BRD8: variants seen among roughly 807,000 people sequenced by gnomAD.
The protein encoded by BRD8 is bromodomain containing 8.
In BRD8, 67 loss-of-function variants were observed where a neutral mutation model predicts 143.1. The ratio of observed to expected loss-of-function variants is 0.47; its 90% CI spans 0.38 to 0.57. The LOEUF is 0.57. Among genes scored for constraint, BRD8 ranks in the 20% least tolerant of loss-of-function variants. BRD8 has a pLI of 0.00. For missense variants in BRD8, 1,103 were observed against 1,503.0 expected (o/e 0.73, Z 4.40); for synonymous variants, 505 against 517.1 (o/e 0.98, Z 0.32).
At chr5:138,171,634 G>A (rs566950713) in intron 3 of BRD8, among the ~76,000 whole-genome samples, 26 of 152,180 alleles carry the variant, frequency 1.7e-4, no homozygotes, top group African/African-American at 6.0e-4. Flanking sequence ...GTGCATTTGC[G>A]GAAAGGCAAC....
At chr5:138,164,505 G>T in intron 12 of BRD8, 92 bp from the exon 13 acceptor site, 1 of 1,323,906 alleles carries the variant, frequency 7.6e-7, no homozygotes, top group Non-Finnish European at 1.1e-6. Context: ...GACCATAGAA[G>T]AAATTCTAAG....
At chr5:138,141,354 T>G (rs981896098) in intron 25 of BRD8, among the ~76,000 whole-genome samples, 7 of 152,230 alleles carry the variant, frequency 4.6e-5, no homozygotes, top group Non-Finnish European at 7.3e-5. Flanking sequence ...AGTCTCGAAC[T>G]CCTAGCCTCA....
intron 2 of BRD8, among the ~76,000 whole-genome samples, chr5:138,176,562 A>C (rs1326531338): frequency 6.6e-6 from 1 of 151,988 alleles, no homozygotes; most frequent in African/African-American, 2.4e-5. Flanking sequence ...TGACAGTGAG[A>C]CTCTGTCTCA....
rs1281607655 is a variant in BRD8, at chr5:138,163,185, G to A, written c.2032C>T (p.Leu678=). The change falls in exon 15 of 27, where the codon CTG becomes TTG. Residue 678 remains leucine, a synonymous_variant. Coordinates refer to ENST00000254900, the MANE Select transcript of BRD8 (RefSeq NM_139199.2). ...DDGFSIHNAT[L]QSHTLADSIP... ...GAGTCTGCCAGTGTGTGTGACTGCAGTGTAGCATTGTGTATGCTGAAGCCA... is the reference window on the plus strand; with the variant it reads ...GAGTCTGCCAGTGTGTGTGACTGCAATGTAGCATTGTGTATGCTGAAGCCA... 6.2e-7 allele frequency: 1 copy of A among 1,614,146 alleles called. No individual in the cohort carries two copies. The highest frequency in any genetic ancestry group is 2.2e-5 in the East Asian group (1 of 44,884).
At chr5:138,155,824 G>A (rs1294485343) in intron 20 of BRD8, among the ~76,000 whole-genome samples, 1 of 151,982 alleles carries the variant, frequency 6.6e-6, no homozygotes, top group Non-Finnish European at 1.5e-5. Flanking sequence ...ACCGTGTCTG[G>A]CCAAATTCAG....
At chr5:138,161,359 G>A (rs561854224) in intron 17 of BRD8, 12 of 296,556 alleles carry the variant, frequency 4.0e-5, no homozygotes, top group East Asian at 3.2e-4. Context: ...CTGCAGCCTC[G>A]AACTTCCAGG....
chr5:138,140,168 T>C lies in BRD8; in HGVS notation c.3616-2A>G. The C allele has an allele frequency of 6.2e-7, 1 of 1,605,360 alleles. No individual in the cohort carries two copies. Among genetic ancestry groups the C allele is most frequent in the Non-Finnish European group, 8.5e-7 (1 of 1,172,052 alleles). On this transcript the variant is annotated splice_acceptor_variant, in intron 26 of 26. Coordinates refer to ENST00000254900, the MANE Select transcript of BRD8 (RefSeq NM_139199.2). LOFTEE classifies it high-confidence loss of function. ...TTTGTCTAACCAGATATTCAGTACC[T>C]AAAGGGTTAAGGAACACATAGCAAG...
At position 138,150,928 on chromosome 5, in the gene BRD8, T is replaced by C. The variant is rs1752348693; in HGVS notation, c.2937A>G (p.Gln979=). Residue 979 remains glutamine (Q), a synonymous_variant, in exon 22 of 27, where the codon CAA becomes CAG. Coordinates refer to ENST00000254900, the MANE Select transcript of BRD8 (RefSeq NM_139199.2). ...EGCCPPSGTR[Q]EGREIKASEG... ...CGCTAGCTTTAATTTCCCTTCCTTC[T>C]TGTCTGGTACCAGATGGAGGGCAGC... is the stretch of plus-strand genomic sequence containing the variant. 1.2e-5 allele frequency: 19 copies of C among 1,614,190 alleles called. No individual in the cohort carries two copies. The highest frequency in any genetic ancestry group is 1.5e-5 in the Non-Finnish European group (18 of 1,180,026).
chr5:138,158,669 C>T (rs145148878), intron 20 of BRD8, among the ~76,000 whole-genome samples: 3,001 of 151,786 alleles, frequency 0.02, 56 homozygotes, highest in Non-Finnish European at 0.028. Context: ...TCTCGAACTC[C>T]CGACCTCAGG....
chr5:138,151,099 G>A, intron 21 of BRD8, 91 bp from the exon 22 acceptor site: 1 of 1,467,696 alleles, frequency 6.8e-7, no homozygotes, highest in Non-Finnish European at 9.2e-7. Context: ...CACTGTCACA[G>A]TGACTAAGTC....
At position 138,140,186 on chromosome 5, in the gene BRD8, A is replaced by C. The variant is rs764037114; in HGVS notation, c.3616-20T>G. The stretch of plus-strand genomic sequence containing the variant: ...CAGTACCTAAAGGGTTAAGGAACAC[A>C]TAGCAAGCTATTATGAACCTTAAAC... On this transcript the variant is annotated intron_variant, in intron 26 of 26. Coordinates refer to ENST00000254900, the MANE Select transcript of BRD8 (RefSeq NM_139199.2). The C allele has an allele frequency of 5.8e-6, 9 of 1,549,016 alleles. No individual in the cohort carries two copies. Among genetic ancestry groups the C allele is most frequent in the Non-Finnish European group, 7.1e-6 (8 of 1,121,492 alleles).
intron 19 of BRD8, 74 bp downstream of exon 19, chr5:138,159,988 GTAGTAAC>G: frequency 1.0e-6 from 1 of 990,956 alleles, no homozygotes; most frequent in Admixed American, 1.8e-5. Context: ...CCAATACCAA[GTAGTAAC>G]ATAAGGGTCC....
intron 24 of BRD8, 27 bp downstream of exon 24, chr5:138,145,762 A>C: frequency 6.3e-7 from 1 of 1,584,754 alleles, no homozygotes; most frequent in Non-Finnish European, 8.7e-7. Flanking sequence ...CTCTGAACAT[A>C]ATCCTATTAC....
Position 138,171,150 on chromosome 5 carries a change from C to T in BRD8, c.247G>A (p.Gly83Ser). 6 of 1,611,594 alleles carry T rather than the reference C, an allele frequency of 3.7e-6. No homozygotes were observed. Among genetic ancestry groups the T allele is most frequent in the Non-Finnish European group, 5.1e-6 (6 of 1,179,262 alleles). The change falls in exon 5 of 27, where the codon GGT (glycine) becomes AGT (serine). Residue 83 changes from glycine (G) to serine (S), a missense_variant. Physicochemically the swap from Gly to Ser is moderately conservative, Grantham distance 56. This residue lies in a region of BRD8 where 69 missense variants were observed against 121.6 expected (regional missense o/e 0.57). Transcript: ENST00000254900. ...ETTETPKRKR[G>S]EKGEVVETVE... The stretch of plus-strand genomic sequence containing the variant: ...GTTTCCACCACTTCTCCCTTTTCAC[C>T]TCGTTTCCGTCTGTGGAAAATTGAA...
intron 9 of BRD8, 88 bp downstream of exon 9, chr5:138,167,845 CT>C: frequency 2.4e-6 from 3 of 1,231,470 alleles, no homozygotes; most frequent in Non-Finnish European, 2.4e-6. Context: ...AAATCTAGCA[CT>C]GACAACTGCT....
chr5:138,177,520 G>T, intron 2 of BRD8, 51 bp downstream of exon 2: 1 of 1,037,696 alleles, frequency 9.6e-7, no homozygotes, highest in Non-Finnish European at 1.5e-6. Context: ...ATGTGAAAGA[G>T]TATCTAACAA....
At position 138,177,678 on chromosome 5, in the gene BRD8, G is replaced by GTGA; in HGVS notation, c.20-12_20-11insTCA. 8.0e-7 allele frequency: 1 copy of GTGA among 1,247,822 alleles called. No individual in the cohort carries two copies. Among genetic ancestry groups the GTGA allele is most frequent in the Non-Finnish European group, 1.1e-6 (1 of 937,958 alleles). 77.3% of individuals were successfully genotyped at this position (1,247,822 alleles called of 1,614,324 possible). A position where few individuals can be genotyped will look rare whatever the true frequency, so the allele number is the denominator to read the frequency against. ...TTAGCAGCTTGTGTTCTGGGAAAGG[G>GTGA]AGAAAAAAAAAAAAGCCTTGGAAAC... On this transcript the variant is annotated splice_polypyrimidine_tract_variant and intron_variant, in intron 1 of 26. Coordinates refer to ENST00000254900, the MANE Select transcript of BRD8 (RefSeq NM_139199.2).
chr5:138,151,110 TGA>T (rs1265245763), intron 21 of BRD8, 102 bp from the exon 22 acceptor site: 3 of 1,405,836 alleles, frequency 2.1e-6, no homozygotes, highest in Non-Finnish European at 2.9e-6. Context: ...TGACTAAGTC[TGA>T]GAGGACAAAA....
At chr5:138,170,982 C>A in intron 5 of BRD8, 56 bp downstream of exon 5, 1 of 1,612,594 alleles carries the variant, frequency 6.2e-7, no homozygotes, top group Non-Finnish European at 8.5e-7. Context: ...TGACCAGTAC[C>A]AGAAGACAGT....
Sources: gnomAD v4.1 joint callset for allele counts (sites outside exome capture counted in the v4.1 genomes callset) on GRCh38, gnomAD v4.1.1 for gene constraint, gnomAD v4.1.1 regional missense constraint, MANE v1.5 for transcripts, NCBI Gene and HGNC (gene_info 2026-07-23, HGNC 2026-07-21) for gene names.